CNTNAP4: variants seen among roughly 807,000 people sequenced by gnomAD.
CNTNAP4 encodes the protein contactin associated protein family member 4, also known as contactin-associated protein-like 4.
A neutral mutation model predicts 148.4 loss-of-function variants in CNTNAP4; 98 were observed. The observed-to-expected ratio is 0.66, with a 90% confidence interval of 0.56 to 0.78. The LOEUF is 0.78. Among genes scored for constraint, CNTNAP4 ranks in the 30% least tolerant of loss-of-function variants. The pLI, the probability that CNTNAP4 is intolerant of heterozygous loss-of-function variation, is 0.00. For synonymous variants in CNTNAP4, 730 were observed against 565.1 expected, an observed-to-expected ratio of 1.29 and a Z score of -4.14; for missense variants, 1,935 against 1,565.6, an observed-to-expected ratio of 1.24 and a Z score of -3.98.
chr16:76,443,104 C>G (rs1210612086), intron 4 of CNTNAP4, among the ~76,000 whole-genome samples: 1 of 151,724 alleles, frequency 6.6e-6, no homozygotes, highest in African/African-American at 2.4e-5. Context: ...CGATAATAAC[C>G]CAATCATTTA....
chr16:76,529,959 C>T (rs1399295519), intron 17 of CNTNAP4, among the ~76,000 whole-genome samples: 1 of 151,758 alleles, frequency 6.6e-6, no homozygotes, highest in Non-Finnish European at 1.5e-5. Flanking sequence ...GAAATAGTGC[C>T]ATATCTCTAT....
intron 2 of CNTNAP4, among the ~76,000 whole-genome samples, chr16:76,342,224 G>A (rs192569884): frequency 1.3e-5 from 2 of 152,090 alleles, no homozygotes; most frequent in African/African-American, 4.8e-5. Flanking sequence ...TTATATAAAG[G>A]AGCATAAAAT....
At chr16:76,315,908 T>C (rs1961688246) in intron 1 of CNTNAP4, among the ~76,000 whole-genome samples, 1 of 152,192 alleles carries the variant, frequency 6.6e-6, no homozygotes, top group African/African-American at 2.4e-5. Flanking sequence ...CTGTGAAGTC[T>C]GATCGTGCCT....
intron 2 of CNTNAP4, among the ~76,000 whole-genome samples, chr16:76,352,554 C>A (rs1029547049): frequency 6.6e-6 from 1 of 152,156 alleles, no homozygotes; most frequent in Admixed American, 6.5e-5. Flanking sequence ...TGGATGAGGG[C>A]AAAGTGTTCA....
intron 17 of CNTNAP4, among the ~76,000 whole-genome samples, chr16:76,526,109 G>A (rs2083720267): frequency 6.6e-6 from 1 of 152,092 alleles, no homozygotes; most frequent in South Asian, 2.1e-4. Flanking sequence ...AGGGTGGTCA[G>A]TGCAGTCTTC....
chr16:76,429,681 T>G (rs1331942597), intron 4 of CNTNAP4, among the ~76,000 whole-genome samples: 1 of 152,198 alleles, frequency 6.6e-6, no homozygotes, highest in East Asian at 1.9e-4. Flanking sequence ...AGGTACAGGT[T>G]CTTTTGAGTT....
intron 10 of CNTNAP4, among the ~76,000 whole-genome samples, 197 bp downstream of exon 10, chr16:76,467,720 A>G (rs2081227616): frequency 6.6e-6 from 1 of 152,186 alleles, no homozygotes; most frequent in Non-Finnish European, 1.5e-5. Flanking sequence ...AACATTTGGA[A>G]GACTTGGCCA....
chr16:76,398,388 A>G (rs892326167), intron 3 of CNTNAP4, among the ~76,000 whole-genome samples: 2 of 152,124 alleles, frequency 1.3e-5, no homozygotes, highest in Admixed American at 6.5e-5. Context: ...ATACATGAGA[A>G]TCATCCAAAG....
intron 3 of CNTNAP4, among the ~76,000 whole-genome samples, chr16:76,357,573 C>T (rs980994780): frequency 1.2e-4 from 18 of 152,192 alleles, no homozygotes; most frequent in African/African-American, 4.3e-4. Context: ...TCAGTGTCTT[C>T]CCTTCTTGAG....
intron 9 of CNTNAP4, among the ~76,000 whole-genome samples, chr16:76,466,043 T>G (rs554724802): frequency 6.6e-5 from 10 of 152,320 alleles, no homozygotes; most frequent in African/African-American, 2.4e-4. Context: ...TTCTTATTCT[T>G]TGAAATTGTG....
At position 76,538,358 on chromosome 16, in the gene CNTNAP4, G is replaced by T. The variant is rs940512887; in HGVS notation, c.3220+18G>T. 52 of 1,541,852 alleles carry T rather than the reference G, an allele frequency of 3.4e-5. No homozygotes were observed. Among genetic ancestry groups the T allele is most frequent in the Non-Finnish European group, 4.6e-5 (51 of 1,120,518 alleles). ...CAAAAATGGTGAGTTCTTTTTAGATGAGAGAGAGAAAATTAAATTAGAACA... is the reference window on the plus strand; with the variant it reads ...CAAAAATGGTGAGTTCTTTTTAGATTAGAGAGAGAAAATTAAATTAGAACA... On this transcript the variant is annotated intron_variant, in intron 19 of 23. Transcript: ENST00000611870.
At chr16:76,496,204 T>C (rs1449657297) in intron 14 of CNTNAP4, among the ~76,000 whole-genome samples, 1 of 151,884 alleles carries the variant, frequency 6.6e-6, no homozygotes, top group African/African-American at 2.4e-5. Context: ...TTCAAATTTC[T>C]ACTCCCTTTG....
intron 4 of CNTNAP4, among the ~76,000 whole-genome samples, chr16:76,446,128 A>G (rs367629494): frequency 2.0e-5 from 3 of 152,272 alleles, no homozygotes; most frequent in African/African-American, 7.2e-5. Context: ...ATGGCTGCAT[A>G]AAATAGTTGA....
chr16:76,539,606 C>T (rs2084361138), intron 19 of CNTNAP4, 113 bp from the exon 20 acceptor site: 1 of 877,838 alleles, frequency 1.1e-6, no homozygotes, highest in South Asian at 1.7e-5. Flanking sequence ...AGGTATCTTC[C>T]AATTTTTCCC....
In CNTNAP4 at chr16:76,277,434, A is replaced by T. The variant is rs1567554665; in HGVS notation, c.-229A>T. The T allele has an allele frequency of 1.0e-3, 398 of 387,588 alleles. No individual in the cohort carries two copies. Among genetic ancestry groups the T allele is most frequent in the South Asian group, 3.0e-3 (66 of 21,688 alleles). 24.0% of individuals were successfully genotyped at this position (387,588 alleles called of 1,614,324 possible). A position where few individuals can be genotyped will look rare whatever the true frequency, so the allele number is the denominator to read the frequency against. ...GTGAGGAGTCAGGGAGGTGTGTGTG[A>T]GAGAGAGAGAGAAAAGAGAGAGACA... On this transcript the variant is annotated 5_prime_UTR_variant, in exon 1 of 24. Transcript: ENST00000611870.
intron 23 of CNTNAP4, chr16:76,558,213 T>C (rs2085275367): frequency 1.0e-5 from 3 of 300,066 alleles, no homozygotes; most frequent in Admixed American, 5.0e-5. Context: ...ATATAGTTAA[T>C]ACCTTGTGTT....
chr16:76,389,449 C>T (rs190691659), intron 3 of CNTNAP4, among the ~76,000 whole-genome samples: 122 of 151,932 alleles, frequency 8.0e-4, no homozygotes, highest in African/African-American at 2.9e-3. Context: ...TTTGTTTTTG[C>T]GTTTTTTGTT....
intron 4 of CNTNAP4, among the ~76,000 whole-genome samples, chr16:76,433,999 AAGAC>A (rs2079713265): frequency 6.8e-6 from 1 of 147,202 alleles, no homozygotes; most frequent in Admixed American, 6.7e-5. Context: ...GTTCTCTAGA[AAGAC>A]AGAACTAATA....
Position 76,494,929 on chromosome 16 carries a change from G to A in CNTNAP4, c.2100G>A (p.Trp700Ter). The A allele has an allele frequency of 6.2e-7, 1 of 1,613,392 alleles. No homozygotes were observed. Among genetic ancestry groups the A allele is most frequent in the Non-Finnish European group, 8.5e-7 (1 of 1,179,474 alleles). Residue 700 changes from tryptophan (W) to a stop codon, truncating the protein, a stop_gained, in exon 14 of 24, where the codon TGG becomes TGA. Transcript: ENST00000611870. LOFTEE classifies it high-confidence loss of function. ...TTTCAGATGGAACCCCTCTGAGTTG[G>A]TGGGTAGGAAGAACCAATGAAACGC... ...VNKQDGTPLSWWVGRTNETQT... is the reference protein window; with the variant it reads ...VNKQDGTPLS
Sources: allele counts gnomAD v4.1 joint callset (sites outside exome capture counted in the v4.1 genomes callset), GRCh38; gene constraint gnomAD v4.1.1; transcripts MANE v1.5; gene names NCBI Gene and HGNC (gene_info 2026-07-23, HGNC 2026-07-21).